Variants in NBPF20 observed in about 807,000 individuals in gnomAD.
NBPF20 encodes the protein NBPF member 20, also known as NBPF family member NBPF20.
In NBPF20, 90 loss-of-function variants were observed where a neutral mutation model predicts 68.1. The ratio of observed to expected loss-of-function variants is 1.32; its 90% CI spans 1.11 to 1.58. NBPF20 has a LOEUF of 1.58. NBPF20 is among the 40% of genes most tolerant of loss of function. The pLI is 0.00. For missense variants in NBPF20, 816 were observed against 601.2 expected (o/e 1.36, Z -3.74); for synonymous variants, 290 against 228.1 (o/e 1.27, Z -2.45).
chr1:145,396,870 A>G (rs1662272709), intron 7 of NBPF20, among the ~76,000 whole-genome samples: 1 of 131,500 alleles, frequency 7.6e-6, no homozygotes, highest in African/African-American at 2.9e-5. Flanking sequence ...TTCACCCATT[A>G]ACTCATCATT....
At chr1:145,402,730 C>A (rs1662581589) in intron 3 of NBPF20, among the ~76,000 whole-genome samples, 1 of 148,432 alleles carries the variant, frequency 6.7e-6, no homozygotes, top group Admixed American at 6.8e-5. Context: ...ATCTTGCGGC[C>A]ACTAGATACA....
At chr1:145,291,745 C>G (rs377184242) in exon 138 of NBPF20, 1 of 1,611,912 alleles carries the variant, frequency 6.2e-7, no homozygotes, top group Non-Finnish European at 8.5e-7. Flanking sequence ...CAGGCTCTTC[C>G]ACTTCCATCA....
chr1:145,291,637 T>C lies in NBPF20; in HGVS notation c.16830A>G (p.Ser5610=), dbSNP rs199949374. 640 of 1,611,890 alleles carry C rather than the reference T, an allele frequency of 4.0e-4. 2 individuals are homozygous for C. Among genetic ancestry groups the C allele is most frequent in the Non-Finnish European group, 4.9e-4 (581 of 1,179,842 alleles). ...CGAAGCTGATGTGCTGTTCCTCAAA[T>C]GAGTAAAACACACTTCTGTAGTGCT... The change falls in exon 138 of 138, where the codon TCA becomes TCG. Residue 5610 remains serine (S), a synonymous_variant. Coordinates refer to ENST00000369373, the Ensembl canonical transcript of NBPF20.
At chr1:145,399,776 CAAAAAAAAAAA>C in intron 6 of NBPF20, among the ~76,000 whole-genome samples, 1 of 51,730 alleles carries the variant, frequency 1.9e-5, no homozygotes, top group East Asian at 5.9e-4. Context: ...GACTCCATCA[CAAAAAAAAAAA>C]AAAAAAAAAA....
chr1:145,291,429 T>G, exon 138 of NBPF20: 1 of 1,609,814 alleles, frequency 6.2e-7, no homozygotes, highest in Admixed American at 1.7e-5. Context: ...CCATCCTATG[T>G]CTGGGCTTCC....
chr1:145,423,589 C>T, the NBPF20 span, among the ~76,000 whole-genome samples: 78 of 152,174 alleles, frequency 5.1e-4, no homozygotes, highest in South Asian at 1.5e-3. Context: ...TACAAATCAA[C>T]AGAAAAACAA....
intron 9 of NBPF20, 78 bp downstream of exon 14, chr1:145,393,806 A>G: frequency 2.4e-6 from 3 of 1,265,284 alleles, no homozygotes; most frequent in Non-Finnish European, 2.3e-6. Context: ...CATTATTTTC[A>G]GCATGTACTG....
At chr1:145,415,828 CTCTT>C in the NBPF20 span, among the ~76,000 whole-genome samples, 1 of 151,088 alleles carries the variant, frequency 6.6e-6, no homozygotes, top group South Asian at 2.1e-4. Context: ...AATCTGATCT[CTCTT>C]TCTTTTCCCC....
At chr1:145,292,672 G>A (rs1321328303) in intron 136 of NBPF20, among the ~76,000 whole-genome samples, 183 bp from the exon 142 acceptor site, 1 of 147,026 alleles carries the variant, frequency 6.8e-6, no homozygotes, top group Non-Finnish European at 1.5e-5. Context: ...TTTTCTCCCA[G>A]AAACTGTGGG....
intron 29 of NBPF20, 114 bp downstream of exon 34, chr1:145,377,929 G>C (rs1661848715): frequency 2.5e-6 from 1 of 397,096 alleles, no homozygotes; most frequent in South Asian, 2.3e-5. Flanking sequence ...AATGTCAGGA[G>C]GAGTAATTCA....
intron 8 of NBPF20, 71 bp downstream of exon 13, chr1:145,394,907 A>G: frequency 6.6e-7 from 1 of 1,517,850 alleles, no homozygotes; most frequent in Non-Finnish European, 9.1e-7. Context: ...AAGGGGCACA[A>G]GGCCCAAAGA....
chr1:145,419,073 A>G, the NBPF20 span, among the ~76,000 whole-genome samples: 4 of 134,262 alleles, frequency 3.0e-5, no homozygotes, highest in South Asian at 2.5e-4. Flanking sequence ...AGGAAGGAGG[A>G]AGGGAGGGAG....
chr1:145,292,209 G>A lies in NBPF20; in HGVS notation c.16697+172C>T, dbSNP rs1178711303. Among the ~76,000 whole-genome samples, 15 of 149,536 alleles carry A rather than the reference G, an allele frequency of 1.0e-4. 3 individuals are homozygous for A. The South Asian group carries it at 1.9e-3, about 19-fold the overall frequency. On this transcript the variant is annotated intron_variant, in intron 137 of 137. Transcript: ENST00000369373. ...TATGGCACGTTAGTAAAAGATAAGG[G>A]GAGGAAGAAATGGAAACCTAAACAT...
At chr1:145,415,081 G>A in the NBPF20 span, among the ~76,000 whole-genome samples, 2 of 152,050 alleles carry the variant, frequency 1.3e-5, no homozygotes, top group African/African-American at 4.8e-5. Context: ...TCCGGAGAGG[G>A]GGATGTGGCA....
chr1:145,396,790 TTA>T (rs1435640579), intron 7 of NBPF20, among the ~76,000 whole-genome samples: 1 of 149,782 alleles, frequency 6.7e-6, no homozygotes, highest in East Asian at 2.0e-4. Flanking sequence ...ATATAATACT[TTA>T]AGTCTTAGGG....
At chr1:145,393,399 A>T (rs1392238782) in intron 9 of NBPF20, among the ~76,000 whole-genome samples, 153 bp from the exon 15 acceptor site, 2 of 151,990 alleles carry the variant, frequency 1.3e-5, no homozygotes, top group Non-Finnish European at 2.9e-5. Context: ...ATGTTGGGAT[A>T]GACTAGGGCC....
the NBPF20 span, among the ~76,000 whole-genome samples, chr1:145,421,783 G>A: frequency 1.3e-5 from 2 of 152,160 alleles, no homozygotes; most frequent in African/African-American, 4.8e-5. Context: ...GCTTATGCCT[G>A]TAATCCCAAC....
chr1:145,419,886 G>A, the NBPF20 span, among the ~76,000 whole-genome samples: 3 of 152,158 alleles, frequency 2.0e-5, no homozygotes, highest in Non-Finnish European at 4.4e-5. Context: ...GAATTCCACT[G>A]TGGCCCATAA....
chr1:145,371,780 CTCT>C, exon 37 of NBPF20: 1 of 42,220 alleles, frequency 2.4e-5, no homozygotes, highest in East Asian at 3.9e-4. Context: ...GGTCTTCTTC[CTCT>C]TCTTGGTCCT....
Sources: gnomAD v4.1 joint callset for allele counts (sites outside exome capture counted in the v4.1 genomes callset) on GRCh38, gnomAD v4.1.1 for gene constraint, MANE v1.5 for transcripts, NCBI Gene and HGNC (gene_info 2026-07-23, HGNC 2026-07-21) for gene names.